PTPRD: variants seen among roughly 807,000 people sequenced by gnomAD.
The protein encoded by PTPRD is receptor-type tyrosine-protein phosphatase delta.
Under a neutral mutation model 214.5 loss-of-function variants are expected in PTPRD, and 34 were observed. The observed-to-expected ratio is 0.16, with a 90% CI of 0.12 to 0.21. PTPRD has a LOEUF of 0.21. Among genes scored for constraint, PTPRD ranks in the 10% least tolerant of loss-of-function variants. PTPRD has a pLI of 1.00. For synonymous variants in PTPRD, 1,128 were observed against 845.7 expected (o/e 1.33, Z -5.79); for missense variants, 2,545 against 2,398.7 (o/e 1.06, Z -1.27).
At chr9:8,554,862 T>C (rs970990636) in intron 14 of PTPRD, among the ~76,000 whole-genome samples, 1 of 152,176 alleles carries the variant, frequency 6.6e-6, no homozygotes, top group Non-Finnish European at 1.5e-5. Flanking sequence ...CTATCATTTT[T>C]ACGGGCTTTG....
chr9:8,761,177 C>T (rs1565863346), intron 11 of PTPRD, among the ~76,000 whole-genome samples: 1 of 151,974 alleles, frequency 6.6e-6, no homozygotes, highest in Non-Finnish European at 1.5e-5. Flanking sequence ...AAACATTTTA[C>T]AAATAGAGGC....
chr9:9,974,965 C>T (rs141638321), intron 4 of PTPRD, among the ~76,000 whole-genome samples: 19 of 152,150 alleles, frequency 1.2e-4, no homozygotes, highest in South Asian at 2.1e-4. Flanking sequence ...GGAAAACTGG[C>T]GAAGAATCTG....
chr9:9,171,968 T>C (rs904511938), intron 10 of PTPRD, among the ~76,000 whole-genome samples: 2 of 152,126 alleles, frequency 1.3e-5, no homozygotes, highest in Admixed American at 6.6e-5. Context: ...AAGGATATTA[T>C]AGAGGGAGGG....
At chr9:8,760,666 T>C (rs763431070) in intron 11 of PTPRD, among the ~76,000 whole-genome samples, 35 of 151,898 alleles carry the variant, frequency 2.3e-4, no homozygotes, top group Admixed American at 1.1e-3. Flanking sequence ...TGGAGGTGCC[T>C]AGTCTGGCTA....
chr9:9,359,060 T>C (rs1313230372), intron 9 of PTPRD, among the ~76,000 whole-genome samples: 3 of 151,394 alleles, frequency 2.0e-5, no homozygotes, highest in Admixed American at 6.6e-5. Context: ...GATCCCATCA[T>C]AGACAGCCAT....
intron 2 of PTPRD, among the ~76,000 whole-genome samples, chr9:10,605,604 G>T (rs1347403542): frequency 1.3e-5 from 2 of 151,786 alleles, no homozygotes; most frequent in South Asian, 2.1e-4. Flanking sequence ...CAATAGCTGT[G>T]ACTCAGGATG....
chr9:8,424,055 G>A (rs1351602179), intron 35 of PTPRD, among the ~76,000 whole-genome samples: 1 of 152,110 alleles, frequency 6.6e-6, no homozygotes, highest in Non-Finnish European at 1.5e-5. Context: ...AGAGCATGAA[G>A]CGGGTGGCTG....
intron 9 of PTPRD, among the ~76,000 whole-genome samples, chr9:9,202,508 T>C (rs2099942468): frequency 6.6e-6 from 1 of 152,194 alleles, no homozygotes; most frequent in African/African-American, 2.4e-5. Flanking sequence ...AGTTATTAGA[T>C]CCAGATGTTG....
intron 14 of PTPRD, among the ~76,000 whole-genome samples, chr9:8,543,034 G>A (rs996575003): frequency 1.3e-5 from 2 of 152,178 alleles, no homozygotes; most frequent in Non-Finnish European, 2.9e-5. Flanking sequence ...AGAATAATTT[G>A]AGTTGTGTTC....
chr9:9,118,359 C>T (rs1000511320), intron 10 of PTPRD, among the ~76,000 whole-genome samples: 2 of 152,062 alleles, frequency 1.3e-5, no homozygotes, highest in African/African-American at 4.8e-5. Context: ...CCATTTAGCC[C>T]CACTTAACTG....
At chr9:10,397,964 G>A (rs2098202743) in intron 2 of PTPRD, among the ~76,000 whole-genome samples, 1 of 151,822 alleles carries the variant, frequency 6.6e-6, no homozygotes, top group East Asian at 2.0e-4. Flanking sequence ...ATATTAATTA[G>A]GAGCAGGTAA....
At chr9:10,545,528 G>T (rs75625856) in intron 2 of PTPRD, among the ~76,000 whole-genome samples, 1 of 152,052 alleles carries the variant, frequency 6.6e-6, no homozygotes, top group Non-Finnish European at 1.5e-5. Flanking sequence ...TTTATTTATT[G>T]ATTGATTTTG....
intron 11 of PTPRD, among the ~76,000 whole-genome samples, chr9:8,824,872 C>A (rs535088828): frequency 1.3e-5 from 2 of 152,200 alleles, no homozygotes; most frequent in South Asian, 4.1e-4. Context: ...TAGTATAGTT[C>A]TTGAAACGTA....
At chr9:8,334,907 C>A (rs200966013) in intron 43 of PTPRD, among the ~76,000 whole-genome samples, 5,639 of 142,170 alleles carry the variant, frequency 0.04, 1 homozygote, top group South Asian at 0.15. Context: ...ACTAGAAAAT[C>A]TAGAAGAAAT....
Position 8,321,475 on chromosome 9 carries a change from GTGTGTGTGTGTGTATATATATA to G in PTPRD, c.5535-1531_5535-1510del, listed in dbSNP as rs1472790127. On this transcript the variant is annotated intron_variant, in intron 44 of 45. Coordinates refer to ENST00000381196, the MANE Select transcript of PTPRD (RefSeq NM_002839.4). ...AGAAGTCTTCTTTGTGTGTGTGTGT[GTGTGTGTGTGTGTATATATATA>G]TATATATATATATATATATATATAT... is the stretch of plus-strand genomic sequence containing the variant. Among the ~76,000 whole-genome samples, 13 of 99,972 alleles carry G rather than the reference GTGTGTGTGTGTGTATATATATA, an allele frequency of 1.3e-4. 1 individual carries two copies. The highest frequency in any genetic ancestry group is 5.2e-4 in the African/African-American group (13 of 25,030). The allele number at this position is 99,972 out of a possible 152,430, so 65.6% of individuals were successfully genotyped here. A position where few individuals can be genotyped will look rare whatever the true frequency, so the allele number is the denominator to read the frequency against.
At position 8,776,516 on chromosome 9, in the gene PTPRD, T is replaced by A. The variant is rs193008286; in HGVS notation, c.-103-42570A>T. On this transcript the variant is annotated intron_variant, in intron 11 of 45. Coordinates refer to ENST00000381196, the MANE Select transcript of PTPRD (RefSeq NM_002839.4). ...TTTCGTCATGTTGCCCAGGCCGGTC[T>A]CGAACTCCTGGGCTCAAGCGATCTG... Among the ~76,000 whole-genome samples, 370 of 93,812 alleles carry A rather than the reference T, an allele frequency of 3.9e-3. 1 individual carries two copies. The highest frequency in any genetic ancestry group is 0.011 in the African/African-American group (324 of 30,234). 61.5% of individuals were successfully genotyped at this position (93,812 alleles called of 152,430 possible).
At chr9:9,191,639 T>TTTC (rs1229306771) in intron 9 of PTPRD, among the ~76,000 whole-genome samples, 2 of 151,962 alleles carry the variant, frequency 1.3e-5, no homozygotes, top group Non-Finnish European at 2.9e-5. Context: ...ATGATGACCA[T>TTTC]ATCTGAAGTT....
At chr9:10,401,013 A>G (rs149344561) in intron 2 of PTPRD, among the ~76,000 whole-genome samples, 31 of 151,792 alleles carry the variant, frequency 2.0e-4, no homozygotes, top group East Asian at 7.8e-4. Context: ...TCAAGACCCA[A>G]TAAAAACTTT....
intron 2 of PTPRD, among the ~76,000 whole-genome samples, chr9:10,525,727 A>AGTGTGTGTGTGTGTGTGTGTGTGTGTGT (rs398010299): frequency 1.4e-4 from 20 of 147,050 alleles, no homozygotes; most frequent in African/African-American, 4.2e-4. Flanking sequence ...AGATTTTCAA[A>AGTGTGTGTGTGTGTGTGTGTGTGTGTGT]GTGTGTGTGT....
Sources: gnomAD v4.1 joint callset for allele counts (sites outside exome capture counted in the v4.1 genomes callset) on GRCh38, gnomAD v4.1.1 for gene constraint, MANE v1.5 for transcripts, NCBI Gene and HGNC (gene_info 2026-07-23, HGNC 2026-07-21) for gene names.